Variants in CCDC178 observed in about 807,000 individuals in gnomAD.
CCDC178 encodes coiled-coil domain-containing protein 178.
A neutral mutation model predicts 117.4 loss-of-function variants in CCDC178; 126 were observed. That is an observed-to-expected ratio of 1.07 (90% CI 0.93 to 1.24). The LOEUF (loss-of-function observed/expected upper bound fraction) is 1.24. Ranked by LOEUF, CCDC178 falls within the 50% of genes most tolerant of loss-of-function variation. The probability of loss-of-function intolerance (pLI) is 0.00; values close to 1 mark genes in which losing one functional copy is unlikely to be tolerated. For missense variants in CCDC178, 1,030 were observed against 986.9 expected (o/e 1.04, Z -0.59); for synonymous variants, 283 against 313.4 (o/e 0.90, Z 1.02).
rs552131423 is a variant in CCDC178 at position 33,420,124 on chromosome 18, G to A, written c.-22-8014C>T. On this transcript the variant is annotated intron_variant, in intron 2 of 22. Coordinates refer to ENST00000383096, the MANE Select transcript of CCDC178 (RefSeq NM_001105528.4). ...AATAGTACACAGCCATAAAAAGAAT[G>A]AGATCATGTCCTTTGCAGCCACATG... Among the ~76,000 whole-genome samples, 17 of 152,212 alleles carry A rather than the reference G, an allele frequency of 1.1e-4. No homozygotes were observed. In the South Asian group the frequency reaches 3.3e-3, roughly 30 times the overall value.
chr18:33,158,628 A>G (rs1489831022), intron 20 of CCDC178, among the ~76,000 whole-genome samples: 1 of 152,092 alleles, frequency 6.6e-6, no homozygotes, highest in Non-Finnish European at 1.5e-5. Context: ...GAATTGCAGA[A>G]TGTGGTATCT....
intron 22 of CCDC178, among the ~76,000 whole-genome samples, chr18:32,957,595 T>A (rs1425187474): frequency 6.6e-6 from 1 of 152,234 alleles, no homozygotes; most frequent in African/African-American, 2.4e-5. Flanking sequence ...GTTTACTTAA[T>A]GCTTCAAATC....
intron 20 of CCDC178, among the ~76,000 whole-genome samples, chr18:33,206,139 C>A (rs557898885): frequency 6.6e-6 from 1 of 152,046 alleles, no homozygotes; most frequent in South Asian, 2.1e-4. Flanking sequence ...CCCCACCCCC[C>A]AAAAAGGACT....
intron 20 of CCDC178, among the ~76,000 whole-genome samples, chr18:33,099,509 G>A (rs271483): frequency 6.6e-6 from 1 of 151,878 alleles, no homozygotes; most frequent in Non-Finnish European, 1.5e-5. Flanking sequence ...CTCCAAGTCT[G>A]TTTGTGAGTA....
intron 21 of CCDC178, chr18:32,983,150 A>C (rs1023166660): frequency 5.8e-6 from 3 of 515,850 alleles, no homozygotes; most frequent in African/African-American, 5.8e-5. Context: ...AAAAAAAAAA[A>C]ACCACTTCTC....
intron 20 of CCDC178, among the ~76,000 whole-genome samples, chr18:33,140,419 T>C (rs1214618793): frequency 2.0e-5 from 3 of 152,130 alleles, no homozygotes; most frequent in Non-Finnish European, 4.4e-5. Flanking sequence ...AGTTGTACCC[T>C]GCAAAGCCAT....
chr18:33,258,715 C>T (rs568691187), intron 14 of CCDC178, among the ~76,000 whole-genome samples: 1 of 152,240 alleles, frequency 6.6e-6, no homozygotes, highest in East Asian at 1.9e-4. Context: ...CTTTTTAAGT[C>T]TGTTTTCTTT....
chr18:32,942,070 G>A (rs1172023191), intron 22 of CCDC178, among the ~76,000 whole-genome samples: 13 of 152,060 alleles, frequency 8.5e-5, no homozygotes, highest in Non-Finnish European at 1.6e-4. Flanking sequence ...AAAATGGGAG[G>A]ATATATAGGA....
chr18:33,015,229 C>G (rs1234569733), intron 21 of CCDC178, among the ~76,000 whole-genome samples: 1 of 148,614 alleles, frequency 6.7e-6, no homozygotes, highest in Non-Finnish European at 1.5e-5. Flanking sequence ...GCACTCCAGC[C>G]TGGGTGACAG....
intron 12 of CCDC178, among the ~76,000 whole-genome samples, chr18:33,272,486 C>T (rs574782002): frequency 1.3e-5 from 2 of 151,714 alleles, no homozygotes; most frequent in Admixed American, 1.3e-4. Flanking sequence ...GATGAATCGA[C>T]ATGGGTCTTT....
intron 20 of CCDC178, among the ~76,000 whole-genome samples, chr18:33,160,784 G>A (rs1482080890): frequency 6.6e-6 from 1 of 152,042 alleles, no homozygotes; most frequent in South Asian, 2.1e-4. Context: ...ACTATTCATG[G>A]TCTTGGAGAC....
At chr18:33,097,906 T>C (rs996090754) in intron 20 of CCDC178, among the ~76,000 whole-genome samples, 4 of 152,086 alleles carry the variant, frequency 2.6e-5, no homozygotes, top group African/African-American at 9.7e-5. Flanking sequence ...TTGTGCTTTT[T>C]GATCTACATG....
intron 21 of CCDC178, among the ~76,000 whole-genome samples, chr18:32,998,703 A>T (rs1013942868): frequency 6.6e-6 from 1 of 152,138 alleles, no homozygotes; most frequent in African/African-American, 2.4e-5. Flanking sequence ...TAGCTCACAG[A>T]TGATAATTCT....
chr18:32,951,916 G>T (rs2054494576), intron 22 of CCDC178, among the ~76,000 whole-genome samples: 1 of 152,178 alleles, frequency 6.6e-6, no homozygotes, highest in Non-Finnish European at 1.5e-5. Context: ...CCCCATGCAA[G>T]TCCAAAATCC....
chr18:33,358,069 T>A (rs1486889677), intron 6 of CCDC178, among the ~76,000 whole-genome samples: 1 of 152,004 alleles, frequency 6.6e-6, no homozygotes, highest in Non-Finnish European at 1.5e-5. Context: ...TGTGTTACCA[T>A]ACTGAATGCT....
chr18:33,051,781 C>T (rs62090748), intron 21 of CCDC178, among the ~76,000 whole-genome samples: 4 of 152,096 alleles, frequency 2.6e-5, no homozygotes, highest in Non-Finnish European at 5.9e-5. Context: ...TATTTTTAAA[C>T]AGTCTTTGTT....
intron 21 of CCDC178, among the ~76,000 whole-genome samples, chr18:33,008,314 A>G (rs2144790036): frequency 6.6e-6 from 1 of 152,204 alleles, no homozygotes; most frequent in Non-Finnish European, 1.5e-5. Flanking sequence ...TGAAGTAACC[A>G]GAAAACATTG....
At chr18:33,358,519 G>C (rs2063087646) in intron 6 of CCDC178, among the ~76,000 whole-genome samples, 1 of 151,830 alleles carries the variant, frequency 6.6e-6, no homozygotes, top group Non-Finnish European at 1.5e-5. Context: ...GATGGATATG[G>C]TATGGCTGAT....
At chr18:33,321,881 T>A (rs1295138450) in intron 11 of CCDC178, among the ~76,000 whole-genome samples, 1 of 151,910 alleles carries the variant, frequency 6.6e-6, no homozygotes, top group Non-Finnish European at 1.5e-5. Flanking sequence ...AAAAAATGTG[T>A]CTACATGGTG....
Sources: gnomAD v4.1 joint callset for allele counts (sites outside exome capture counted in the v4.1 genomes callset) on GRCh38, gnomAD v4.1.1 for gene constraint, MANE v1.5 for transcripts, NCBI Gene and HGNC (gene_info 2026-07-23, HGNC 2026-07-21) for gene names.